The following TMEM62 variants were observed in gnomAD, a reference collection of about 807,000 sequenced individuals.
TMEM62 encodes the protein transmembrane protein 62.
In TMEM62, 41 loss-of-function variants were observed where a neutral mutation model predicts 70.4. The observed-to-expected ratio is 0.58, with a 90% CI of 0.45 to 0.76. TMEM62 has a LOEUF of 0.76. Ranked by LOEUF, TMEM62 falls within the 30% of genes least tolerant of loss-of-function variation. The pLI is 0.00. For missense variants in TMEM62, 688 were observed against 788.5 expected (o/e 0.87, Z 1.53); for synonymous variants, 268 against 291.0 (o/e 0.92, Z 0.80).
chr15:43,154,769 G>T lies in TMEM62; in HGVS notation c.1120G>T (p.Val374Leu), dbSNP rs747991189. Residue 374 changes from valine (V) to leucine (L), a missense_variant, in exon 9 of 14, where the codon GTA becomes TTA. Transcript: ENST00000260403. ...TGTTCATGTGTCTGGTCCCATTTTC[G>T]TACTGAAGTGGAATCCTAGAAACTA... Reference protein sequence around the residue: ...QAVHVSGPIFVLKWNPRNYSS... With the variant: ...QAVHVSGPIFLLKWNPRNYSS... The T allele has an allele frequency of 6.2e-7, 1 of 1,613,902 alleles. No individual in the cohort carries two copies. Among genetic ancestry groups the T allele is most frequent in the East Asian group, 2.2e-5 (1 of 44,866 alleles).
chr15:43,138,961 T>C (rs1596195555), intron 4 of TMEM62, among the ~76,000 whole-genome samples: 1 of 152,258 alleles, frequency 6.6e-6, no homozygotes, highest in Admixed American at 6.5e-5. Context: ...CCTTTAATTC[T>C]TTCTGTTTCA....
At chr15:43,141,087 G>A (rs905901524) in intron 4 of TMEM62, among the ~76,000 whole-genome samples, 2 of 152,228 alleles carry the variant, frequency 1.3e-5, no homozygotes, top group African/African-American at 4.8e-5. Flanking sequence ...ACCTCCGTGA[G>A]CTGGGTGATA....
chr15:43,143,058 C>T (rs2036252540), intron 4 of TMEM62, among the ~76,000 whole-genome samples: 1 of 151,362 alleles, frequency 6.6e-6, no homozygotes, highest in Non-Finnish European at 1.5e-5. Flanking sequence ...ATGGTGTAAA[C>T]ATAACTTTTT....
Position 43,138,924 on chromosome 15 carries a change from A to G in TMEM62, c.476+305A>G, listed in dbSNP as rs1473751649. 2.6e-5 allele frequency among the ~76,000 whole-genome samples: 4 copies of G among 152,274 alleles called. No individual in the cohort carries two copies. The South Asian group carries it at 6.2e-4, about 24-fold the overall frequency. On this transcript the variant is annotated intron_variant, in intron 4 of 13. Coordinates refer to ENST00000260403, the MANE Select transcript of TMEM62 (RefSeq NM_024956.4). Reference sequence around the variant, plus strand: ...CTTTTTGTCTTTTTGTGACAGATGCATTTCTTTTTGTTTAGAGTTTTTCTT... The same window carrying G: ...CTTTTTGTCTTTTTGTGACAGATGCGTTTCTTTTTGTTTAGAGTTTTTCTT...
intron 11 of TMEM62, among the ~76,000 whole-genome samples, chr15:43,177,070 T>G (rs2040836064): frequency 6.6e-6 from 1 of 151,908 alleles, no homozygotes; most frequent in South Asian, 2.1e-4. Flanking sequence ...TGCGATCAAC[T>G]GGAAGAAAGG....
intron 10 of TMEM62, among the ~76,000 whole-genome samples, chr15:43,166,054 T>G (rs1168638833): frequency 1.3e-5 from 2 of 152,258 alleles, no homozygotes; most frequent in Non-Finnish European, 2.9e-5. Flanking sequence ...GTACTCATCC[T>G]CCTTGAGGAG....
chr15:43,151,814 C>A lies in TMEM62; in HGVS notation c.891C>A (p.His297Gln), dbSNP rs148329822. Residue 297 changes from histidine to glutamine, a missense_variant, in exon 8 of 14, where the codon CAC becomes CAA. Physicochemically the swap from His to Gln is conservative, Grantham distance 24. Coordinates refer to ENST00000260403, the MANE Select transcript of TMEM62 (RefSeq NM_024956.4). ...NRRYRIFAFD[H>Q]DLFSFADLIF... ...GGTACCGGATTTTTGCTTTTGATCA[C>A]GACCTCTTTAGCTTTGCAGATTTGA... 6.2e-7 allele frequency: 1 copy of A among 1,613,540 alleles called. No individual in the cohort carries two copies. Among genetic ancestry groups the A allele is most frequent in the East Asian group, 2.2e-5 (1 of 44,818 alleles).
intron 9 of TMEM62, among the ~76,000 whole-genome samples, chr15:43,155,392 A>G (rs938494970): frequency 6.6e-6 from 1 of 151,822 alleles, no homozygotes; most frequent in Non-Finnish European, 1.5e-5. Flanking sequence ...GCTACTTGGG[A>G]GGCTGAGATG....
chr15:43,144,758 T>G (rs1373821872), intron 4 of TMEM62, among the ~76,000 whole-genome samples: 1 of 152,196 alleles, frequency 6.6e-6, no homozygotes, highest in African/African-American at 2.4e-5. Context: ...ATCTTTCACT[T>G]CCTGTTAACT....
intron 11 of TMEM62, among the ~76,000 whole-genome samples, chr15:43,177,060 T>C (rs1315270705): frequency 1.3e-5 from 2 of 152,060 alleles, no homozygotes; most frequent in Admixed American, 6.5e-5. Flanking sequence ...CAGGAGCCGA[T>C]GCGATCAACT....
At chr15:43,136,942 G>C (rs958102695) in intron 3 of TMEM62, among the ~76,000 whole-genome samples, 4 of 151,736 alleles carry the variant, frequency 2.6e-5, no homozygotes, top group African/African-American at 7.3e-5. Flanking sequence ...TTGTGGAGTT[G>C]GGTTCTTGCT....
chr15:43,178,485 A>G lies in TMEM62; in HGVS notation c.1382-122A>G, dbSNP rs139008065. On this transcript the variant is annotated intron_variant, in intron 11 of 13. Transcript: ENST00000260403. ...TTAAAGTGGTGTCATCTGTATAGTTACCATCTAACAAAGGATTTGCTGAAT... is the reference window on the plus strand; with the variant it reads ...TTAAAGTGGTGTCATCTGTATAGTTGCCATCTAACAAAGGATTTGCTGAAT... 690 of 614,858 alleles carry G rather than the reference A, an allele frequency of 1.1e-3. 2 individuals carry two copies. In the African/African-American group the frequency reaches 0.011, roughly 10 times the overall value. 38.1% of individuals were successfully genotyped at this position (614,858 alleles called of 1,614,324 possible). A position where few individuals can be genotyped will look rare whatever the true frequency, so the allele number is the denominator to read the frequency against.
chr15:43,163,868 G>A (rs1463439338), intron 10 of TMEM62, among the ~76,000 whole-genome samples: 3 of 152,176 alleles, frequency 2.0e-5, no homozygotes, highest in African/African-American at 7.2e-5. Flanking sequence ...ACAGGCTTTA[G>A]TGGATTCCAG....
chr15:43,181,722 G>A (rs1045450886), intron 13 of TMEM62, among the ~76,000 whole-genome samples: 1 of 152,126 alleles, frequency 6.6e-6, no homozygotes, highest in Non-Finnish European at 1.5e-5. Flanking sequence ...GGCTGGTCTC[G>A]AACTCCTGAC....
chr15:43,175,730 G>A (rs2040654520), intron 11 of TMEM62, among the ~76,000 whole-genome samples: 1 of 152,170 alleles, frequency 6.6e-6, no homozygotes, highest in African/African-American at 2.4e-5. Context: ...GAACAGCTCC[G>A]GTCTACACCT....
rs775266413 is a variant in TMEM62, at chr15:43,184,317, T to A, written c.1663T>A (p.Cys555Ser). 51 of 1,614,092 alleles carry A rather than the reference T, an allele frequency of 3.2e-5. No homozygotes were observed. Among genetic ancestry groups the A allele is most frequent in the Non-Finnish European group, 4.2e-5 (49 of 1,180,042 alleles). The part of the protein sequence containing the change: ...AYMCWSLLQR[C>S]FGHNFRSHLH... The stretch of plus-strand genomic sequence containing the variant: ...CATGTGTTGGAGCTTGCTGCAGCGG[T>A]GCTTTGGTCACAACTTCAGGTCTCA... The change falls in exon 14 of 14, where the codon TGC (cysteine) becomes AGC (serine). Residue 555 changes from cysteine (C) to serine (S), a missense_variant. Cys to Ser is a moderately radical substitution (Grantham distance 112). Coordinates refer to ENST00000260403, the MANE Select transcript of TMEM62 (RefSeq NM_024956.4).
At chr15:43,161,969 G>C (rs930305095) in intron 10 of TMEM62, among the ~76,000 whole-genome samples, 3 of 151,394 alleles carry the variant, frequency 2.0e-5, no homozygotes, top group African/African-American at 7.3e-5. Flanking sequence ...GCTTGTATAT[G>C]TATTTTTTTT....
intron 4 of TMEM62, among the ~76,000 whole-genome samples, chr15:43,145,355 C>T (rs1054112114): frequency 6.6e-6 from 1 of 151,610 alleles, no homozygotes; most frequent in Admixed American, 6.6e-5. Context: ...CAGGCGCCCG[C>T]CAGCACGCCC....
chr15:43,184,023 C>T (rs972766698), intron 13 of TMEM62: 1 of 575,524 alleles, frequency 1.7e-6, no homozygotes, highest in Non-Finnish European at 3.1e-6. Context: ...TACTGTACTA[C>T]AAGTTGGGAC....
Sources: allele counts gnomAD v4.1 joint callset (sites outside exome capture counted in the v4.1 genomes callset), GRCh38; gene constraint gnomAD v4.1.1; transcripts MANE v1.5; gene names NCBI Gene and HGNC (gene_info 2026-07-23, HGNC 2026-07-21).